NBDY: variants seen among roughly 807,000 people sequenced by gnomAD.
NBDY encodes the protein P-body dissociating protein.
intron 2 of NBDY, among the ~76,000 whole-genome samples, chrX:56,759,988 G>A (rs910692204): frequency 1.8e-5 from 2 of 112,646 alleles, no homozygotes; most frequent in African/African-American, 6.4e-5. Flanking sequence ...AACAGCCCCA[G>A]TCTCGACCAT....
At chrX:56,814,656 C>T (rs776423787) in intron 2 of NBDY, among the ~76,000 whole-genome samples, 37 of 110,172 alleles carry the variant, frequency 3.4e-4, no homozygotes, top group Non-Finnish European at 5.7e-4. Flanking sequence ...CCATGCCCAG[C>T]TGATTTTTTG....
At chrX:56,798,042 C>A (rs868138363) in intron 2 of NBDY, among the ~76,000 whole-genome samples, 1 of 111,740 alleles carries the variant, frequency 8.9e-6, no homozygotes, top group Admixed American at 9.5e-5. Context: ...GGTAAACAAA[C>A]ACACAAAGCC....
At chrX:56,814,685 G>A (rs935758223) in intron 2 of NBDY, among the ~76,000 whole-genome samples, 2 of 109,941 alleles carry the variant, frequency 1.8e-5, no homozygotes, top group Non-Finnish European at 3.8e-5. Flanking sequence ...AGTAGAGATG[G>A]TGTTTCACCA....
At chrX:56,782,930 A>G (rs1429117843) in intron 2 of NBDY, among the ~76,000 whole-genome samples, 3 of 112,528 alleles carry the variant, frequency 2.7e-5, no homozygotes, top group Non-Finnish European at 5.6e-5. Context: ...ACACACAGAC[A>G]CAAACACACA....
chrX:56,782,485 G>T (rs2069699021), intron 2 of NBDY, among the ~76,000 whole-genome samples: 1 of 111,706 alleles, frequency 9.0e-6, no homozygotes, highest in Non-Finnish European at 1.9e-5. Flanking sequence ...GCAGTACTAG[G>T]CCTAGAGAAA....
chrX:56,766,310 C>G lies in NBDY; in HGVS notation c.*166+34111C>G, dbSNP rs1052197012. On this transcript the variant is annotated intron_variant, in intron 2 of 2. Coordinates refer to ENST00000374922, the MANE Select transcript of NBDY (RefSeq NM_001348129.2). ...ATTTCAGTGTGTGCAGGCAGGGTGT[C>G]TCTGCCACGTGTTCATTTGCCCACT... Among the ~76,000 whole-genome samples, 72 of 111,929 alleles carry G rather than the reference C, an allele frequency of 6.4e-4. 1 individual carries two copies. The highest frequency in any genetic ancestry group is 2.2e-3 in the African/African-American group (68 of 30,750).
intron 2 of NBDY, among the ~76,000 whole-genome samples, chrX:56,815,941 A>G (rs1439646523): frequency 9.0e-6 from 1 of 111,491 alleles, no homozygotes; most frequent in Non-Finnish European, 1.9e-5. Flanking sequence ...AGAAATTGTT[A>G]ATCTTCTCTT....
At chrX:56,789,335 G>T (rs1057055429) in intron 2 of NBDY, among the ~76,000 whole-genome samples, 18 of 111,501 alleles carry the variant, frequency 1.6e-4, no homozygotes, top group African/African-American at 5.6e-4. Context: ...CCCACCCTTA[G>T]GGCTGTGTCA....
At chrX:56,780,867 G>A (rs1348405497) in intron 2 of NBDY, among the ~76,000 whole-genome samples, 4 of 94,065 alleles carry the variant, frequency 4.3e-5, no homozygotes, top group African/African-American at 1.6e-4. Context: ...GGGAGAACGC[G>A]AGAAGAAAAG....
intron 2 of NBDY, among the ~76,000 whole-genome samples, chrX:56,814,292 A>G (rs1194760707): frequency 4.6e-5 from 5 of 108,183 alleles, no homozygotes; most frequent in African/African-American, 1.7e-4. Flanking sequence ...GTTATATGAA[A>G]TATTTTTTCT....
chrX:56,755,177 C>T (rs2069603459), intron 2 of NBDY, among the ~76,000 whole-genome samples: 1 of 111,842 alleles, frequency 8.9e-6, no homozygotes, highest in Admixed American at 9.5e-5. Flanking sequence ...GACCTAAAAC[C>T]ATAAAAACCC....
chrX:56,815,665 T>C (rs1001545402), intron 2 of NBDY, among the ~76,000 whole-genome samples: 1 of 112,117 alleles, frequency 8.9e-6, no homozygotes, highest in Admixed American at 9.5e-5. Flanking sequence ...AATTACTATG[T>C]TTTGGTGGAC....
intron 1 of NBDY, among the ~76,000 whole-genome samples, chrX:56,730,232 G>T (rs754043276): frequency 9.2e-6 from 1 of 109,111 alleles, no homozygotes; most frequent in South Asian, 4.0e-4. Context: ...GGAGGAGTAG[G>T]GGGGCGGACG....
At chrX:56,787,729 C>T (rs1045507694) in intron 2 of NBDY, among the ~76,000 whole-genome samples, 3 of 112,153 alleles carry the variant, frequency 2.7e-5, no homozygotes, top group Non-Finnish European at 5.6e-5. Context: ...GTGCCACCCT[C>T]CTCTCACCCT....
chrX:56,802,013 CACAA>C (rs1268578424), intron 2 of NBDY, among the ~76,000 whole-genome samples: 6 of 105,672 alleles, frequency 5.7e-5, no homozygotes, highest in African/African-American at 2.1e-4. Flanking sequence ...CACACACACA[CACAA>C]ATCCTCACAC....
rs1354709881 is a variant in NBDY, at chrX:56,813,560, T to G, written c.*167-3760T>G. On this transcript the variant is annotated intron_variant, in intron 2 of 2. Transcript: ENST00000374922. Reference sequence around the variant, plus strand: ...CAAGCAGAGAAACACACAAGAAACTTGACACGGGCACAAGGGTGTGGGCCC... The same window carrying G: ...CAAGCAGAGAAACACACAAGAAACTGGACACGGGCACAAGGGTGTGGGCCC... 3.6e-5 allele frequency among the ~76,000 whole-genome samples: 4 copies of G among 111,188 alleles called. No individual in the cohort carries two copies. In the East Asian group the frequency reaches 1.1e-3, roughly 31 times the overall value.
At chrX:56,740,061 T>A (rs1171467345) in intron 2 of NBDY, among the ~76,000 whole-genome samples, 1 of 112,000 alleles carries the variant, frequency 8.9e-6, no homozygotes, top group African/African-American at 3.2e-5. Context: ...TTTATTTTAA[T>A]ACCCAAATTG....
chrX:56,739,270 A>G (rs1001061880), intron 2 of NBDY, among the ~76,000 whole-genome samples: 62 of 74,924 alleles, frequency 8.3e-4, no homozygotes, highest in East Asian at 1.2e-3. Context: ...ATATGTATGT[A>G]TATATATATA....
At chrX:56,756,668 T>C (rs1157970543) in intron 2 of NBDY, among the ~76,000 whole-genome samples, 1 of 111,975 alleles carries the variant, frequency 8.9e-6, no homozygotes, top group Non-Finnish European at 1.9e-5. Flanking sequence ...TAAATAAATA[T>C]AGGAAAACTA....
Sources: gnomAD v4.1 joint callset for allele counts (sites outside exome capture counted in the v4.1 genomes callset) on GRCh38, gnomAD v4.1.1 for gene constraint, MANE v1.5 for transcripts, NCBI Gene and HGNC (gene_info 2026-07-23, HGNC 2026-07-21) for gene names.